ANKMY2: variants seen among roughly 807,000 people sequenced by gnomAD.
ANKMY2 encodes the protein ankyrin repeat and MYND domain-containing protein 2.
A neutral mutation model predicts 50.4 loss-of-function variants in ANKMY2; 36 were observed. That is an observed-to-expected ratio of 0.71 (90% CI 0.55 to 0.94). The LOEUF (loss-of-function observed/expected upper bound fraction) is 0.94. Among genes scored for constraint, ANKMY2 ranks in the 40% least tolerant of loss-of-function variants. The pLI is 0.00. For missense variants in ANKMY2, 565 were observed against 524.0 expected, an observed-to-expected ratio of 1.08 and a Z score of -0.76; for synonymous variants, 187 against 178.8, an observed-to-expected ratio of 1.05 and a Z score of -0.36.
chr7:16,642,820 G>A (rs190874778), intron 1 of ANKMY2, among the ~76,000 whole-genome samples: 42 of 152,266 alleles, frequency 2.8e-4, no homozygotes, highest in African/African-American at 7.2e-4. Context: ...TAACTTGACA[G>A]ATGTTGTTTT....
chr7:16,644,501 A>G, intron 1 of ANKMY2: 1 of 327,172 alleles, frequency 3.1e-6, no homozygotes, highest in East Asian at 1.1e-4. Flanking sequence ...CTGGCTACTA[A>G]GTAAATAAAA....
intron 2 of ANKMY2, among the ~76,000 whole-genome samples, chr7:16,630,515 GAATC>G (rs1483258244): frequency 3.3e-5 from 5 of 152,106 alleles, no homozygotes; most frequent in African/African-American, 1.2e-4. Context: ...TTAAGTCAAA[GAATC>G]AATCAACATT....
chr7:16,640,556 C>T (rs1781730758), intron 1 of ANKMY2, among the ~76,000 whole-genome samples: 2 of 152,116 alleles, frequency 1.3e-5, no homozygotes, highest in African/African-American at 4.8e-5. Context: ...GGGCCTTCCT[C>T]CATCGCCCAA....
At chr7:16,607,668 CTTTT>C (rs60554872) in intron 7 of ANKMY2, among the ~76,000 whole-genome samples, 2 of 126,144 alleles carry the variant, frequency 1.6e-5, no homozygotes, top group Non-Finnish European at 3.3e-5. Context: ...TATTGACCTG[CTTTT>C]TTTTTTTTTT....
chr7:16,620,722 C>T (rs1403534979), intron 4 of ANKMY2, among the ~76,000 whole-genome samples: 1 of 151,950 alleles, frequency 6.6e-6, no homozygotes, highest in Admixed American at 6.6e-5. Flanking sequence ...ATTAAATATA[C>T]ATAAGCTAAA....
intron 2 of ANKMY2, among the ~76,000 whole-genome samples, chr7:16,633,621 T>C (rs945822404): frequency 3.3e-5 from 5 of 152,200 alleles, no homozygotes; most frequent in African/African-American, 1.2e-4. Context: ...GAATGTATTA[T>C]ACTACATTTA....
chr7:16,640,365 T>C (rs1781727818), intron 1 of ANKMY2, among the ~76,000 whole-genome samples: 1 of 152,142 alleles, frequency 6.6e-6, no homozygotes, highest in Admixed American at 6.5e-5. Flanking sequence ...CATTGTAACA[T>C]TTCTAATATC....
chr7:16,640,811 G>A (rs1201144497), intron 1 of ANKMY2, among the ~76,000 whole-genome samples: 3 of 152,122 alleles, frequency 2.0e-5, no homozygotes, highest in Admixed American at 6.5e-5. Flanking sequence ...CTACAGGCAT[G>A]AGCCACTATG....
chr7:16,600,870 T>A lies in ANKMY2; in HGVS notation c.1217A>T (p.Asp406Val), dbSNP rs533214774. 6.2e-7 allele frequency: 1 copy of A among 1,613,496 alleles called. No individual in the cohort carries two copies. Among genetic ancestry groups the A allele is most frequent in the Non-Finnish European group, 8.5e-7 (1 of 1,179,702 alleles). ...PEAEVGISQKDSNPEDSGEGK... is the reference protein window; with the variant it reads ...PEAEVGISQKVSNPEDSGEGK... ...TTCCCCGGAATCTTCAGGATTGGAA[T>A]CCTTTTGAGAGATACCTACTTCAGC... is the stretch of plus-strand genomic sequence containing the variant. Residue 406 changes from aspartate to valine, a missense_variant, in exon 10 of 10, where the codon GAT becomes GTT. Transcript: ENST00000306999.
chr7:16,603,735 AT>A, intron 8 of ANKMY2: 1 of 470,634 alleles, frequency 2.1e-6, no homozygotes, highest in South Asian at 1.5e-5. Flanking sequence ...CAACATGGCA[AT>A]TTCAAGGCTA....
intron 5 of ANKMY2, among the ~76,000 whole-genome samples, chr7:16,612,464 T>C (rs1375476549): frequency 3.9e-5 from 6 of 152,198 alleles, no homozygotes. Context: ...TACCAAAACA[T>C]ACTTTGACAA....
Position 16,633,767 on chromosome 7 carries a change from G to A in ANKMY2, c.132+2624C>T, listed in dbSNP as rs185544870. On this transcript the variant is annotated intron_variant, in intron 2 of 9. Transcript: ENST00000306999. ...ATACAGTCCATGTACTGTTAATTGG[G>A]TTGTCCAAATTTTCTACATCCTATG... Among the ~76,000 whole-genome samples the A allele has an allele frequency of 2.5e-4, 38 of 152,036 alleles. No homozygotes were observed. In the East Asian group the frequency reaches 3.3e-3, roughly 13 times the overall value.
At chr7:16,615,960 G>T in intron 4 of ANKMY2, 56 bp from the exon 5 acceptor site, 1 of 1,494,550 alleles carries the variant, frequency 6.7e-7, no homozygotes, top group Non-Finnish European at 9.0e-7. Flanking sequence ...AACACATCTG[G>T]TTTTTAAAAT....
chr7:16,621,970 A>G (rs923663184), intron 4 of ANKMY2, among the ~76,000 whole-genome samples: 1 of 151,780 alleles, frequency 6.6e-6, no homozygotes, highest in Non-Finnish European at 1.5e-5. Flanking sequence ...CTCCATCTCA[A>G]AAAAATAAAT....
In ANKMY2 at chr7:16,609,681, A is replaced by G. The variant is rs745521045; in HGVS notation, c.831T>C (p.Cys277=). The G allele has an allele frequency of 6.2e-7, 1 of 1,613,092 alleles. No individual in the cohort carries two copies. The highest frequency in any genetic ancestry group is 8.5e-7 in the Non-Finnish European group (1 of 1,179,746). ...IRESIRKFPY[C]EATLLQQLVR... is the part of the protein sequence containing the mutation. ...CCAGCTGCTGGAGGAGTGTAGCTTC[A>G]CAGTAAGGAAATTTTCTGATACTTT... The change falls in exon 7 of 10, where the codon TGT becomes TGC. Residue 277 remains cysteine, a synonymous_variant. Transcript: ENST00000306999.
intron 7 of ANKMY2, among the ~76,000 whole-genome samples, chr7:16,608,141 G>A (rs1160787759): frequency 6.6e-6 from 1 of 152,172 alleles, no homozygotes; most frequent in Non-Finnish European, 1.5e-5. Context: ...CTATTTTTAA[G>A]TCACTATGCC....
chr7:16,615,367 A>G (rs909666415), intron 5 of ANKMY2, among the ~76,000 whole-genome samples: 2 of 152,130 alleles, frequency 1.3e-5, no homozygotes, highest in Non-Finnish European at 2.9e-5. Context: ...ACTTGGTACT[A>G]TGTGGGAGGC....
intron 2 of ANKMY2, among the ~76,000 whole-genome samples, chr7:16,631,567 A>G (rs1002985894): frequency 1.4e-4 from 21 of 150,394 alleles, no homozygotes; most frequent in African/African-American, 5.1e-4. Context: ...ATTTATACAA[A>G]TTTTCCTTAA....
At chr7:16,603,139 C>A (rs1419614025) in intron 8 of ANKMY2, among the ~76,000 whole-genome samples, 1 of 152,160 alleles carries the variant, frequency 6.6e-6, no homozygotes, top group Non-Finnish European at 1.5e-5. Context: ...AAACAGTCTA[C>A]CAAAGACTTT....
Sources: allele counts gnomAD v4.1 joint callset (sites outside exome capture counted in the v4.1 genomes callset), GRCh38; gene constraint gnomAD v4.1.1; transcripts MANE v1.5; gene names NCBI Gene and HGNC (gene_info 2026-07-23, HGNC 2026-07-21).